ASRGL1: variants seen among roughly 807,000 people sequenced by gnomAD.
ASRGL1 encodes asparaginase and isoaspartyl peptidase 1, also known as isoaspartyl peptidase/L-asparaginase.
Under a neutral mutation model 22.4 loss-of-function variants are expected in ASRGL1, and 16 were observed. The ratio of observed to expected loss-of-function variants is 0.71; its 90% CI spans 0.48 to 1.08. The LOEUF (loss-of-function observed/expected upper bound fraction) is 1.08, where lower values mean the gene tolerates loss of function less well. Among genes scored for constraint, ASRGL1 ranks in the 50% least tolerant of loss-of-function variants. The pLI, the probability that ASRGL1 is intolerant of heterozygous loss-of-function variation, is 0.00. For synonymous variants in ASRGL1, 165 were observed against 159.3 expected, an observed-to-expected ratio of 1.04 and a Z score of -0.27; for missense variants, 412 against 410.1, an observed-to-expected ratio of 1.00 and a Z score of -0.04.
intron 4 of ASRGL1, 21 bp downstream of exon 4, chr11:62,357,165 G>A (rs758168902): frequency 1.6e-5 from 26 of 1,606,230 alleles, no homozygotes; most frequent in Middle Eastern, 1.7e-4. Context: ...CCTGTGGCTC[G>A]CATTATTTGG....
rs957468976 is a variant in ASRGL1, at chr11:62,363,370, TAGAG to T, written c.491+6230_491+6233del. Among the ~76,000 whole-genome samples the T allele has an allele frequency of 2.6e-5, 4 of 152,246 alleles. No homozygotes were observed. In the South Asian group the frequency reaches 8.3e-4, roughly 32 times the overall value. On this transcript the variant is annotated intron_variant, in intron 4 of 6. Coordinates refer to ENST00000415229, the MANE Select transcript of ASRGL1 (RefSeq NM_001083926.2). ...ATTTACCTAGCTTGAAGAAAATTCA[TAGAG>T]AGATAATCCCTAAACCAGTTTCTAT...
At chr11:62,396,132 C>G (rs1023975543), downstream of ASRGL1, among the ~76,000 whole-genome samples, 1 of 151,920 alleles carries the variant, frequency 6.6e-6, no homozygotes, top group African/African-American at 2.4e-5. Context: ...AAAAAAAATG[C>G]AGGTGTCCTC....
chr11:62,338,932 CAA>C (rs576869521), intron 2 of ASRGL1, among the ~76,000 whole-genome samples: 4 of 101,578 alleles, frequency 3.9e-5, no homozygotes, highest in Admixed American at 1.2e-4. Context: ...GAGACTATCT[CAA>C]AAAAAAAAAA....
At chr11:62,344,647 G>A (rs72921493) in intron 2 of ASRGL1, among the ~76,000 whole-genome samples, 5 of 151,644 alleles carry the variant, frequency 3.3e-5, no homozygotes, top group East Asian at 1.9e-4. Context: ...ATGGGAGTAC[G>A]TGAGATATTG....
intron 4 of ASRGL1, among the ~76,000 whole-genome samples, chr11:62,370,255 G>GA (rs1351424547): frequency 6.6e-6 from 1 of 152,126 alleles, no homozygotes; most frequent in Non-Finnish European, 1.5e-5. Flanking sequence ...ATTAAAAGTC[G>GA]AATCAATGCA....
At chr11:62,362,701 TATATAAA>T (rs1946500381) in intron 4 of ASRGL1, among the ~76,000 whole-genome samples, 1 of 80,646 alleles carries the variant, frequency 1.2e-5, no homozygotes, top group African/African-American at 5.0e-5. Context: ...TATTATATAT[TATATAAA>T]ATATATTATA....
At chr11:62,398,111 G>A (rs948161738), downstream of ASRGL1, among the ~76,000 whole-genome samples, 3 of 152,134 alleles carry the variant, frequency 2.0e-5, no homozygotes, top group Admixed American at 2.0e-4. Context: ...CCCTGCCACC[G>A]CAGGAGCCAT....
chr11:62,373,309 G>A, intron 4 of ASRGL1: 1 of 617,574 alleles, frequency 1.6e-6, no homozygotes, highest in Non-Finnish European at 2.9e-6. Context: ...TAGACTCCCT[G>A]AGGTTCCGTT....
chr11:62,338,292 G>A, intron 2 of ASRGL1, 125 bp downstream of exon 2: 1 of 1,035,744 alleles, frequency 9.7e-7, no homozygotes, highest in South Asian at 2.0e-5. Flanking sequence ...ATGTAAAAAA[G>A]AAACAATATT....
intron 4 of ASRGL1, among the ~76,000 whole-genome samples, chr11:62,380,943 A>G (rs989574393): frequency 6.6e-6 from 1 of 152,020 alleles, no homozygotes; most frequent in African/African-American, 2.4e-5. Context: ...GTGCTGTAGG[A>G]TAAAGTCTTA....
intron 4 of ASRGL1, chr11:62,382,640 C>T (rs1947099810): frequency 6.6e-6 from 1 of 151,940 alleles, no homozygotes; most frequent in Non-Finnish European, 1.5e-5. Context: ...TAATGCTCCT[C>T]AGCACAGACC....
chr11:62,392,237 C>T lies in ASRGL1; in HGVS notation c.880C>T (p.His294Tyr), dbSNP rs1463563618. The change falls in exon 7 of 7, where the codon CAC becomes TAC. Residue 294 changes from histidine (H) to tyrosine (Y), a missense_variant. By Grantham distance (83) the His-to-Tyr change is moderately conservative (BLOSUM62 2). Coordinates refer to ENST00000415229, the MANE Select transcript of ASRGL1 (RefSeq NM_001083926.2). ...GGCAGCCGCCAAGGACGGCAAGCTG[C>T]ACTTCGGAATTGATCCTGACGATAC... Reference protein sequence around the residue: ...PWAAAKDGKLHFGIDPDDTTI... With the variant: ...PWAAAKDGKLYFGIDPDDTTI... The T allele has an allele frequency of 2.5e-6, 4 of 1,614,204 alleles. No individual in the cohort carries two copies. The highest frequency in any genetic ancestry group is 3.4e-6 in the Non-Finnish European group (4 of 1,180,044).
chr11:62,356,357 G>A lies in ASRGL1; in HGVS notation c.223G>A (p.Val75Ile), dbSNP rs1253940592. ...GTCTGTCTTGAACACAAATGGTGAG[G>A]TTGAAATGGATGCTAGTATCATGGA... ...CGSVLNTNGE[V>I]EMDASIMDGK... Residue 75 changes from valine (V) to isoleucine (I), a missense_variant, in exon 3 of 7, where the codon GTT becomes ATT. Transcript: ENST00000415229. 1 of 1,614,078 alleles carries A rather than the reference G, an allele frequency of 6.2e-7. No homozygotes were observed. Among genetic ancestry groups the A allele is most frequent in the African/African-American group, 1.3e-5 (1 of 74,946 alleles).
chr11:62,367,287 G>A (rs1472637861), intron 4 of ASRGL1, among the ~76,000 whole-genome samples: 2 of 151,630 alleles, frequency 1.3e-5, no homozygotes, highest in African/African-American at 2.4e-5. Context: ...GCAGTGAGCC[G>A]AGATCACGCC....
intron 4 of ASRGL1, among the ~76,000 whole-genome samples, chr11:62,357,947 A>G (rs1460087952): frequency 2.0e-5 from 3 of 152,102 alleles, no homozygotes; most frequent in African/African-American, 7.3e-5. Context: ...CAAAATATGC[A>G]TGTTTAGGCC....
chr11:62,372,709 A>G, intron 4 of ASRGL1: 2 of 1,360,716 alleles, frequency 1.5e-6, no homozygotes, highest in South Asian at 1.2e-5. Flanking sequence ...ACAGAGCAGA[A>G]GGATGAGATG....
At chr11:62,385,020 A>G (rs1947169559) in intron 4 of ASRGL1, among the ~76,000 whole-genome samples, 1 of 146,790 alleles carries the variant, frequency 6.8e-6, no homozygotes, top group Middle Eastern at 3.4e-3. Flanking sequence ...GAACATACTT[A>G]TAACTTCCCA....
downstream of ASRGL1, among the ~76,000 whole-genome samples, chr11:62,393,612 G>A (rs890604228): frequency 2.6e-5 from 4 of 152,048 alleles, no homozygotes; most frequent in South Asian, 2.1e-4. Flanking sequence ...ACCATGATAG[G>A]GTTTATGGCG....
intron 4 of ASRGL1, among the ~76,000 whole-genome samples, chr11:62,358,981 T>A (rs1380890384): frequency 6.6e-6 from 1 of 152,352 alleles, no homozygotes; most frequent in East Asian, 1.9e-4. Context: ...TTTTCTTGCC[T>A]CTCTGCATGT....
Sources: allele counts gnomAD v4.1 joint callset (sites outside exome capture counted in the v4.1 genomes callset), GRCh38; gene constraint gnomAD v4.1.1; transcripts MANE v1.5; gene names NCBI Gene and HGNC (gene_info 2026-07-23, HGNC 2026-07-21).